Variants in PAG1 observed in about 807,000 individuals in gnomAD.
The protein encoded by PAG1 is phosphoprotein associated with glycosphingolipid-enriched microdomains 1.
Under a neutral mutation model 31.7 loss-of-function variants are expected in PAG1, and 23 were observed. The ratio of observed to expected loss-of-function variants is 0.73; its 90% CI spans 0.52 to 1.03. PAG1 has a LOEUF of 1.03. Ranked by LOEUF, PAG1 falls within the 50% of genes least tolerant of loss-of-function variation. PAG1 has a pLI of 0.00. For missense variants in PAG1, 473 were observed against 540.7 expected, an observed-to-expected ratio of 0.87 and a Z score of 1.24; for synonymous variants, 214 against 210.3, an observed-to-expected ratio of 1.02 and a Z score of -0.15.
At position 80,985,064 on chromosome 8, in the gene PAG1, C is replaced by T. The variant is rs933415204; in HGVS notation, c.588G>A (p.Leu196=). The change falls in exon 7 of 9, where the codon CTG becomes CTA. Residue 196 remains leucine (L), a synonymous_variant. Coordinates refer to ENST00000220597, the MANE Select transcript of PAG1 (RefSeq NM_018440.4). ...TTGCCTTGCCACTGTGGCCTTTCTC[C>T]AGGTGTGCAGCTGCAGCCACCTCCT... The part of the protein sequence containing the change: ...EIKEVAAAAH[L]EKGHSGKAKS... 3 of 1,614,174 alleles carry T rather than the reference C, an allele frequency of 1.9e-6. No individual in the cohort carries two copies. The highest frequency in any genetic ancestry group is 2.5e-6 in the Non-Finnish European group (3 of 1,180,034).
chr8:81,000,941 A>G (rs1563624344), intron 3 of PAG1, among the ~76,000 whole-genome samples: 1 of 152,070 alleles, frequency 6.6e-6, no homozygotes, highest in East Asian at 1.9e-4. Context: ...TGCAATGACA[A>G]TTTCACACCT....
chr8:81,098,670 G>A (rs1052379051), intron 1 of PAG1, among the ~76,000 whole-genome samples: 5 of 152,162 alleles, frequency 3.3e-5, no homozygotes, highest in Non-Finnish European at 7.3e-5. Context: ...CTACAATCCA[G>A]GCCTTCAGCA....
intron 2 of PAG1, among the ~76,000 whole-genome samples, chr8:81,068,382 C>A (rs1809042067): frequency 6.6e-6 from 1 of 152,206 alleles, no homozygotes; most frequent in South Asian, 2.1e-4. Context: ...TCTGAATCTA[C>A]TTCCACTGTG....
chr8:81,101,846 TAAAA>T (rs1809615180), intron 1 of PAG1, among the ~76,000 whole-genome samples: 1 of 152,100 alleles, frequency 6.6e-6, no homozygotes, highest in African/African-American at 2.4e-5. Context: ...AATGTCTGAA[TAAAA>T]TTCAATAAGA....
chr8:81,016,584 T>C (rs756862596), intron 3 of PAG1, among the ~76,000 whole-genome samples: 1 of 152,220 alleles, frequency 6.6e-6, no homozygotes, highest in Non-Finnish European at 1.5e-5. Context: ...TGAAACCTGC[T>C]CAAATGTTAC....
intron 1 of PAG1, among the ~76,000 whole-genome samples, chr8:81,096,015 C>CT (rs1809523044): frequency 6.6e-6 from 1 of 152,190 alleles, no homozygotes; most frequent in African/African-American, 2.4e-5. Context: ...AGCGTTTTGT[C>CT]TTAATTTTTT....
chr8:81,087,265 C>T (rs1450480040), intron 1 of PAG1, among the ~76,000 whole-genome samples: 1 of 150,842 alleles, frequency 6.6e-6, no homozygotes, highest in African/African-American at 2.4e-5. Flanking sequence ...ATCGCTTGAA[C>T]CCAGGAGGTG....
chr8:80,991,516 C>T lies in PAG1; in HGVS notation c.140G>A (p.Arg47Gln), dbSNP rs770770967. ...GTTCTCATGGTCCCCACTATGCTGT[C>T]GCGGCTTCTTTTCCCTGAAATGAAA... is the stretch of plus-strand genomic sequence containing the variant. The part of the protein sequence containing the change: ...CSSCDREKKP[R>Q]QHSGDHENLM... The change falls in exon 5 of 9, where the codon CGA becomes CAA. Residue 47 changes from arginine (R) to glutamine (Q), a missense_variant. Transcript: ENST00000220597. The T allele has an allele frequency of 1.5e-5, 24 of 1,613,650 alleles. No homozygotes were observed. The East Asian group carries it at 2.0e-4, about 13-fold the overall frequency.
At position 80,979,857 on chromosome 8, in the gene PAG1, A is replaced by G. The variant is rs569962064; in HGVS notation, c.936+578T>C. Reference sequence around the variant, plus strand: ...TATAATACTGGCTTTAACAATTTTAATGCTTCATTGAAAATCTAACTCGTG... The same window carrying G: ...TATAATACTGGCTTTAACAATTTTAGTGCTTCATTGAAAATCTAACTCGTG... On this transcript the variant is annotated intron_variant, in intron 8 of 8. Transcript: ENST00000220597. Among the ~76,000 whole-genome samples, 33 of 152,264 alleles carry G rather than the reference A, an allele frequency of 2.2e-4. 1 individual carries two copies. Among genetic ancestry groups the G allele is most frequent in the African/African-American group, 7.7e-4 (32 of 41,538 alleles).
intron 3 of PAG1, among the ~76,000 whole-genome samples, chr8:80,998,891 A>G (rs1268454700): frequency 6.6e-6 from 1 of 152,204 alleles, no homozygotes; most frequent in Non-Finnish European, 1.5e-5. Flanking sequence ...GTTGGATGAA[A>G]TATGGTCAAG....
chr8:81,052,860 A>T (rs1808755467), intron 2 of PAG1, among the ~76,000 whole-genome samples: 2 of 152,228 alleles, frequency 1.3e-5, no homozygotes, highest in Non-Finnish European at 1.5e-5. Flanking sequence ...CTCCTGCATA[A>T]TTTTTCAGAT....
intron 3 of PAG1, among the ~76,000 whole-genome samples, chr8:81,015,984 T>C (rs1473575146): frequency 6.6e-6 from 1 of 152,230 alleles, no homozygotes; most frequent in African/African-American, 2.4e-5. Context: ...GGAATTCTGC[T>C]GATCCTCTAT....
chr8:81,096,429 G>T (rs1343227636), intron 1 of PAG1, among the ~76,000 whole-genome samples: 1 of 152,134 alleles, frequency 6.6e-6, no homozygotes, highest in Non-Finnish European at 1.5e-5. Flanking sequence ...GATTTTAGAG[G>T]CCCATAGATG....
At chr8:81,049,775 G>C (rs2130870497) in intron 2 of PAG1, among the ~76,000 whole-genome samples, 1 of 152,220 alleles carries the variant, frequency 6.6e-6, no homozygotes, top group Admixed American at 6.5e-5. Context: ...AGGAAACATT[G>C]CCATGCCTGC....
In PAG1 at chr8:80,976,737, G is replaced by A; in HGVS notation, c.1106C>T (p.Pro369Leu). ...CCCTGCTGGTGGAAGTGTGCTGTTT[G>A]GAGTTTTTTCGAAGTCTTTAACAGT... ...YATVKDFEKT[P>L]NSTLPPAGRP... is the part of the protein sequence containing the mutation. The change falls in exon 9 of 9, where the codon CCA becomes CTA. Residue 369 changes from proline (P) to leucine (L), a missense_variant. Transcript: ENST00000220597. The A allele has an allele frequency of 6.2e-7, 1 of 1,614,100 alleles. No individual in the cohort carries two copies. Among genetic ancestry groups the A allele is most frequent in the East Asian group, 2.2e-5 (1 of 44,888 alleles).
intron 7 of PAG1, among the ~76,000 whole-genome samples, chr8:80,983,817 T>C (rs1807358060): frequency 6.6e-6 from 1 of 152,234 alleles, no homozygotes; most frequent in African/African-American, 2.4e-5. Context: ...CATTTTTATA[T>C]TTTATGAACA....
chr8:80,991,450 A>G, intron 5 of PAG1, 29 bp downstream of exon 5: 1 of 1,584,006 alleles, frequency 6.3e-7, no homozygotes. Flanking sequence ...ACGCACGGAC[A>G]GACAGGCAGA....
intron 3 of PAG1, among the ~76,000 whole-genome samples, chr8:80,999,787 C>G (rs953440497): frequency 6.6e-6 from 1 of 152,110 alleles, no homozygotes; most frequent in Non-Finnish European, 1.5e-5. Context: ...CCAGACAAGC[C>G]AAAAGGCAAG....
At chr8:81,050,101 A>C (rs1808703384) in intron 2 of PAG1, among the ~76,000 whole-genome samples, 1 of 152,210 alleles carries the variant, frequency 6.6e-6, no homozygotes, top group Non-Finnish European at 1.5e-5. Flanking sequence ...TAAAAACAAA[A>C]CTAGGGAAAA....
Sources: gnomAD v4.1 joint callset for allele counts (sites outside exome capture counted in the v4.1 genomes callset) on GRCh38, gnomAD v4.1.1 for gene constraint, MANE v1.5 for transcripts, NCBI Gene and HGNC (gene_info 2026-07-23, HGNC 2026-07-21) for gene names.